Variants in FAM13A observed in about 807,000 individuals in gnomAD.
FAM13A encodes protein FAM13A.
In FAM13A, 76 loss-of-function variants were observed where a neutral mutation model predicts 129.6. The observed-to-expected ratio is 0.59, with a 90% CI of 0.49 to 0.71. FAM13A has a LOEUF of 0.71. Ranked by LOEUF, FAM13A falls within the 30% of genes least tolerant of loss-of-function variation. FAM13A has a pLI of 0.00. For missense variants in FAM13A, 1,108 were observed against 1,249.3 expected (o/e 0.89, Z 1.70); for synonymous variants, 443 against 449.9 (o/e 0.98, Z 0.20).
At chr4:88,862,992 G>C (rs971357371) in intron 6 of FAM13A, among the ~76,000 whole-genome samples, 1 of 100,768 alleles carries the variant, frequency 9.9e-6, no homozygotes, top group Non-Finnish European at 2.0e-5. Context: ...AGAAAAGATG[G>C]GTGTGACAAA....
intron 11 of FAM13A, among the ~76,000 whole-genome samples, chr4:88,779,573 C>T (rs143485387): frequency 5.3e-4 from 80 of 152,196 alleles, no homozygotes; most frequent in Middle Eastern, 3.4e-3. Flanking sequence ...TTCATTGCAA[C>T]AAAGACACGG....
chr4:89,002,060 G>C (rs1429043601), intron 3 of FAM13A, among the ~76,000 whole-genome samples: 6 of 151,478 alleles, frequency 4.0e-5, no homozygotes, highest in African/African-American at 1.2e-4. Flanking sequence ...AAAAAAAAAG[G>C]CAAGGGAGAA....
intron 7 of FAM13A, among the ~76,000 whole-genome samples, chr4:88,810,765 G>T (rs1340296577): frequency 6.6e-6 from 1 of 152,042 alleles, no homozygotes; most frequent in East Asian, 1.9e-4. Context: ...ATAAGCAGTC[G>T]AGATACAATA....
intron 2 of FAM13A, among the ~76,000 whole-genome samples, chr4:89,023,288 G>A (rs1767516982): frequency 6.6e-6 from 1 of 152,068 alleles, no homozygotes. Flanking sequence ...CCAACACAAA[G>A]GCATTCCGTC....
At chr4:88,930,906 A>G (rs1161991594) in intron 5 of FAM13A, among the ~76,000 whole-genome samples, 1 of 152,152 alleles carries the variant, frequency 6.6e-6, no homozygotes, top group Non-Finnish European at 1.5e-5. Context: ...TAAGCTTAGG[A>G]GAGCTTGCTC....
At chr4:88,963,749 C>T (rs1001005060) in intron 4 of FAM13A, among the ~76,000 whole-genome samples, 1 of 152,112 alleles carries the variant, frequency 6.6e-6, no homozygotes, top group African/African-American at 2.4e-5. Context: ...TTTTAGGGAC[C>T]AGTCTATTAG....
intron 2 of FAM13A, 29 bp downstream of exon 2, chr4:89,029,431 T>C: frequency 6.4e-7 from 1 of 1,556,042 alleles, no homozygotes; most frequent in South Asian, 1.2e-5. Context: ...ACTGTGAAAA[T>C]GAACAGACTA....
At chr4:88,952,290 C>A (rs752367240) in intron 4 of FAM13A, among the ~76,000 whole-genome samples, 1 of 151,950 alleles carries the variant, frequency 6.6e-6, no homozygotes, top group Non-Finnish European at 1.5e-5. Context: ...TGTTCTTCAC[C>A]GAGAGCTCAG....
At chr4:88,898,295 G>C (rs549022497) in intron 6 of FAM13A, among the ~76,000 whole-genome samples, 1 of 152,010 alleles carries the variant, frequency 6.6e-6, no homozygotes, top group Non-Finnish European at 1.5e-5. Flanking sequence ...AAATGCATTT[G>C]TTTAGTGAGT....
chr4:88,846,235 T>C (rs1367801044), intron 7 of FAM13A, among the ~76,000 whole-genome samples: 1 of 152,232 alleles, frequency 6.6e-6, no homozygotes, highest in Non-Finnish European at 1.5e-5. Flanking sequence ...GCAAACTGGT[T>C]AACTTTTCTG....
intron 20 of FAM13A, 79 bp downstream of exon 20, chr4:88,738,951 G>A (rs1739580648): frequency 1.1e-6 from 1 of 893,778 alleles, no homozygotes; most frequent in Non-Finnish European, 1.9e-6. Flanking sequence ...GAGAAAGCAG[G>A]TTAGGGCCCT....
chr4:89,024,846 C>T (rs17014936), intron 2 of FAM13A, among the ~76,000 whole-genome samples: 3,437 of 146,542 alleles, frequency 0.023, 115 homozygotes, highest in African/African-American at 0.08. Context: ...CCAGGCCTAC[C>T]CGAGCTTGCC....
intron 6 of FAM13A, among the ~76,000 whole-genome samples, chr4:88,887,828 T>C (rs2150149929): frequency 6.6e-6 from 1 of 152,248 alleles, no homozygotes; most frequent in South Asian, 2.1e-4. Context: ...CCACCGTGCC[T>C]GGTCCATATG....
In FAM13A at chr4:88,989,603, A is replaced by G. The variant is rs1762705770; in HGVS notation, c.605+1370T>C. Reference sequence around the variant, plus strand: ...GGTAACAAAGTGAGACTGTCTTAAAAAGAACAAAACAGGTTAAATTGGTAT... The same window carrying G: ...GGTAACAAAGTGAGACTGTCTTAAAGAGAACAAAACAGGTTAAATTGGTAT... On this transcript the variant is annotated intron_variant, in intron 4 of 23. Coordinates refer to ENST00000264344, the MANE Select transcript of FAM13A (RefSeq NM_014883.4). 2.0e-5 allele frequency: 3 copies of G among 152,244 alleles called. 1 individual carries two copies. The allele number at this position is 152,244 out of a possible 1,614,324, so 9.4% of individuals were successfully genotyped here.
At chr4:88,731,854 T>G (rs936564454) in intron 22 of FAM13A, 148 bp downstream of exon 22, 9 of 676,626 alleles carry the variant, frequency 1.3e-5, no homozygotes, top group South Asian at 5.0e-5. Flanking sequence ...AAAAAGAAAT[T>G]TTTTAAAAAA....
chr4:89,002,250 C>G (rs1034901556), intron 3 of FAM13A, among the ~76,000 whole-genome samples: 3 of 151,204 alleles, frequency 2.0e-5, no homozygotes, highest in Admixed American at 2.0e-4. Flanking sequence ...GAAGTGGATG[C>G]AAGTGACTGG....
intron 4 of FAM13A, among the ~76,000 whole-genome samples, chr4:88,967,813 G>C (rs927523729): frequency 1.3e-5 from 2 of 152,186 alleles, no homozygotes; most frequent in African/African-American, 4.8e-5. Context: ...GAGAGGAAGG[G>C]AAATTCTTTT....
At chr4:88,889,673 C>T (rs1335139785) in intron 6 of FAM13A, among the ~76,000 whole-genome samples, 15 of 152,074 alleles carry the variant, frequency 9.9e-5, no homozygotes, top group Admixed American at 9.2e-4. Context: ...TGTGCTGTGG[C>T]GGTTATGGAC....
In FAM13A at chr4:88,940,448, T is replaced by C. The variant is rs76772528; in HGVS notation, c.606-2207A>G. Among the ~76,000 whole-genome samples the C allele has an allele frequency of 5.3e-3, 805 of 152,308 alleles. 9 individuals carry two copies. Among genetic ancestry groups the C allele is most frequent in the African/African-American group, 0.018 (767 of 41,570 alleles). ...TTATTTGCAAGCAATGGTTTGAAAG[T>C]GCCACCTAGTTTCTTCTTACCACTT... On this transcript the variant is annotated intron_variant, in intron 4 of 23. Transcript: ENST00000264344.
Sources: allele counts gnomAD v4.1 joint callset (sites outside exome capture counted in the v4.1 genomes callset), GRCh38; gene constraint gnomAD v4.1.1; transcripts MANE v1.5; gene names NCBI Gene and HGNC (gene_info 2026-07-23, HGNC 2026-07-21).